The following RPH3A variants were observed in gnomAD, a reference collection of about 807,000 sequenced individuals.
RPH3A encodes rabphilin 3A, also known as rabphilin-3A.
Under a neutral mutation model 102.2 loss-of-function variants are expected in RPH3A, and 48 were observed. That is an observed-to-expected ratio of 0.47 (90% CI 0.37 to 0.60). The LOEUF (loss-of-function observed/expected upper bound fraction) is 0.60. Among genes scored for constraint, RPH3A ranks in the 20% least tolerant of loss-of-function variants. The pLI, the probability that RPH3A is intolerant of heterozygous loss-of-function variation, is 0.00. For missense variants in RPH3A, 781 were observed against 910.1 expected (o/e 0.86, Z 1.83); for synonymous variants, 310 against 324.3 (o/e 0.96, Z 0.47).
chr12:112,618,152 C>A (rs1199403032), intron 1 of RPH3A, among the ~76,000 whole-genome samples: 2 of 152,156 alleles, frequency 1.3e-5, no homozygotes, highest in African/African-American at 4.8e-5. Context: ...ATGCACACAG[C>A]ACTGGGGAGC....
chr12:112,667,213 A>G (rs940785608), intron 1 of RPH3A, among the ~76,000 whole-genome samples: 5 of 152,160 alleles, frequency 3.3e-5, no homozygotes, highest in South Asian at 2.1e-4. Context: ...TTTAAATGCT[A>G]TGGATGTGCA....
intron 1 of RPH3A, among the ~76,000 whole-genome samples, chr12:112,760,946 C>T (rs940860598): frequency 2.8e-4 from 42 of 152,230 alleles, no homozygotes; most frequent in African/African-American, 8.9e-4. Flanking sequence ...ACCAATCAAT[C>T]AACACTGATA....
chr12:112,661,074 C>T (rs561560892), intron 1 of RPH3A, among the ~76,000 whole-genome samples: 8 of 152,072 alleles, frequency 5.3e-5, no homozygotes, highest in Non-Finnish European at 1.2e-4. Context: ...AATTATAGTG[C>T]CTACCTCAGA....
intron 1 of RPH3A, among the ~76,000 whole-genome samples, chr12:112,678,291 A>AGAGAGAGAGAGAGAGAGAGAG (rs1566255250): frequency 3.3e-5 from 1 of 30,732 alleles, no homozygotes. Flanking sequence ...GAAAGAAAGA[A>AGAGAGAGAGAGAGAGAGAGAG]AGAAAGAAAG....
chr12:112,689,983 T>C (rs2136021441), intron 1 of RPH3A, among the ~76,000 whole-genome samples: 1 of 152,348 alleles, frequency 6.6e-6, no homozygotes, highest in East Asian at 1.9e-4. Context: ...AGGAGACTGA[T>C]GCTTTTCTGA....
At chr12:112,825,800 C>T (rs982262415) in intron 2 of RPH3A, among the ~76,000 whole-genome samples, 21 of 152,056 alleles carry the variant, frequency 1.4e-4, no homozygotes, top group African/African-American at 5.1e-4. Flanking sequence ...TAAAAATAAA[C>T]AACTTATATT....
Position 112,828,301 on chromosome 12 carries a change from G to T in RPH3A, c.-18G>T, listed in dbSNP as rs2041913659. On this transcript the variant is annotated splice_region_variant and 5_prime_UTR_variant, in exon 3 of 22. Coordinates refer to ENST00000389385, the MANE Select transcript of RPH3A (RefSeq NM_001143854.2). ...TCCTCTCTGGATTGATGTTTTCCAG[G>T]AGCACTAGACATCTACTATGACTGA... 1 of 1,607,136 alleles carries T rather than the reference G, an allele frequency of 6.2e-7. No homozygotes were observed.
intron 2 of RPH3A, among the ~76,000 whole-genome samples, chr12:112,794,398 C>T (rs1157756071): frequency 1.3e-5 from 2 of 152,140 alleles, no homozygotes; most frequent in African/African-American, 2.4e-5. Flanking sequence ...TATCCTGTGT[C>T]GGGGAGAGGC....
chr12:112,668,012 C>T (rs554434028), intron 1 of RPH3A, among the ~76,000 whole-genome samples: 3 of 152,170 alleles, frequency 2.0e-5, no homozygotes, highest in Non-Finnish European at 2.9e-5. Context: ...GTCTCTTCCT[C>T]CAGGAAGTCT....
intron 4 of RPH3A, among the ~76,000 whole-genome samples, chr12:112,842,866 T>G (rs1247297204): frequency 1.3e-5 from 2 of 152,348 alleles, no homozygotes; most frequent in East Asian, 3.9e-4. Flanking sequence ...GCATGCCCTA[T>G]TAACATTCTC....
At chr12:112,678,303 A>C (rs11066379) in intron 1 of RPH3A, among the ~76,000 whole-genome samples, 6 of 50,138 alleles carry the variant, frequency 1.2e-4, no homozygotes, top group Admixed American at 2.0e-4. Context: ...GAAAGAAAGA[A>C]AGAGAGAGAG....
chr12:112,764,837 T>A (rs574262602), intron 1 of RPH3A, among the ~76,000 whole-genome samples: 1 of 152,292 alleles, frequency 6.6e-6, no homozygotes, highest in South Asian at 2.1e-4. Flanking sequence ...CTGGGTGACC[T>A]CACCATCCCC....
intron 1 of RPH3A, among the ~76,000 whole-genome samples, chr12:112,664,665 C>A (rs867855039): frequency 6.6e-6 from 1 of 152,006 alleles, no homozygotes; most frequent in Non-Finnish European, 1.5e-5. Flanking sequence ...TTGTGGAGGG[C>A]AACTTCAAGT....
At chr12:112,864,562 A>ACTGAATG (rs1351677460) in intron 5 of RPH3A, among the ~76,000 whole-genome samples, 1 of 152,154 alleles carries the variant, frequency 6.6e-6, no homozygotes, top group African/African-American at 2.4e-5. Flanking sequence ...TACACAAGGA[A>ACTGAATG]CTGAATGTGC....
intron 1 of RPH3A, among the ~76,000 whole-genome samples, chr12:112,743,562 C>T (rs1267707204): frequency 1.3e-5 from 2 of 152,198 alleles, no homozygotes; most frequent in Admixed American, 1.3e-4. Flanking sequence ...CTCCCAGCAG[C>T]CTCATGGGGA....
chr12:112,600,315 C>A (rs2039548780), intron 1 of RPH3A, among the ~76,000 whole-genome samples: 1 of 152,130 alleles, frequency 6.6e-6, no homozygotes, highest in African/African-American at 2.4e-5. Context: ...CTCTGATAAT[C>A]CTGCCTGACT....
chr12:112,717,234 G>T (rs917999608), intron 1 of RPH3A, among the ~76,000 whole-genome samples: 1 of 151,964 alleles, frequency 6.6e-6, no homozygotes, highest in Non-Finnish European at 1.5e-5. Context: ...GAGTTTTGAC[G>T]AATGCATAGT....
rs11447068 is a variant in RPH3A, at chr12:112,841,173, T to TAAAAAAAAAA, written c.83+4683_83+4692dup. ...GGCAACATAACAAGACCTTGTTTCT[T>TAAAAAAAAAA]AAAAAAAAAAAAAAAAAAAAAGCCT... On this transcript the variant is annotated intron_variant, in intron 4 of 21. Coordinates refer to ENST00000389385, the MANE Select transcript of RPH3A (RefSeq NM_001143854.2). Among the ~76,000 whole-genome samples, 3 of 33,360 alleles carry TAAAAAAAAAA rather than the reference T, an allele frequency of 9.0e-5. 1 individual carries two copies. Among genetic ancestry groups the TAAAAAAAAAA allele is most frequent in the African/African-American group, 1.4e-4 (1 of 7,222 alleles). The allele number at this position is 33,360 out of a possible 152,430, so 21.9% of individuals were successfully genotyped here. A position where few individuals can be genotyped will look rare whatever the true frequency, so the allele number is the denominator to read the frequency against.
intron 1 of RPH3A, among the ~76,000 whole-genome samples, chr12:112,767,312 C>G (rs1262109785): frequency 6.6e-6 from 1 of 152,164 alleles, no homozygotes; most frequent in East Asian, 1.9e-4. Context: ...GGCATCCTCT[C>G]CTACCCCTTA....
Sources: gnomAD v4.1 joint callset for allele counts (sites outside exome capture counted in the v4.1 genomes callset) on GRCh38, gnomAD v4.1.1 for gene constraint, MANE v1.5 for transcripts, NCBI Gene and HGNC (gene_info 2026-07-23, HGNC 2026-07-21) for gene names.